STXBP5L: variants seen among roughly 807,000 people sequenced by gnomAD.
STXBP5L encodes syntaxin-binding protein 5-like.
Under a neutral mutation model 144.5 loss-of-function variants are expected in STXBP5L, and 65 were observed. The ratio of observed to expected loss-of-function variants is 0.45; its 90% CI spans 0.37 to 0.55. The LOEUF (loss-of-function observed/expected upper bound fraction) is 0.55, where lower values mean the gene tolerates loss of function less well. Ranked by LOEUF, STXBP5L falls within the 20% of genes least tolerant of loss-of-function variation. The pLI, the probability that STXBP5L is intolerant of heterozygous loss-of-function variation, is 0.00. For missense variants in STXBP5L, 1,298 were observed against 1,405.5 expected, an observed-to-expected ratio of 0.92 and a Z score of 1.22; for synonymous variants, 505 against 469.6, an observed-to-expected ratio of 1.08 and a Z score of -0.97.
chr3:121,227,836 C>A (rs1490418573), intron 11 of STXBP5L, among the ~76,000 whole-genome samples: 1 of 152,048 alleles, frequency 6.6e-6, no homozygotes, highest in Non-Finnish European at 1.5e-5. Flanking sequence ...TTTAATAAAG[C>A]CACAAATATA....
At position 121,325,596 on chromosome 3, in the gene STXBP5L, C is replaced by T. The variant is rs935215877; in HGVS notation, c.2176+7056C>T. On this transcript the variant is annotated intron_variant, in intron 20 of 26. Transcript: ENST00000471454. Reference sequence around the variant, plus strand: ...AATTTAATAGAACTTAAGAAATATACATTCCATGAAACATCAGAAAAAATA... The same window carrying T: ...AATTTAATAGAACTTAAGAAATATATATTCCATGAAACATCAGAAAAAATA... Among the ~76,000 whole-genome samples the T allele has an allele frequency of 3.9e-5, 6 of 151,946 alleles. No homozygotes were observed. In the East Asian group the frequency reaches 1.2e-3, roughly 29 times the overall value.
intron 9 of STXBP5L, among the ~76,000 whole-genome samples, chr3:121,204,284 C>G (rs1577202445): frequency 1.3e-5 from 2 of 152,100 alleles, no homozygotes; most frequent in East Asian, 3.9e-4. Flanking sequence ...CAAAAGTTTT[C>G]TCTTTCTAAG....
chr3:120,971,411 G>A (rs1940234972), intron 3 of STXBP5L, among the ~76,000 whole-genome samples: 1 of 151,496 alleles, frequency 6.6e-6, no homozygotes, highest in South Asian at 2.1e-4. Context: ...ACCTTTTGGA[G>A]CCTCCAATGT....
At chr3:121,300,502 G>A (rs1188361959) in intron 19 of STXBP5L, among the ~76,000 whole-genome samples, 1 of 152,078 alleles carries the variant, frequency 6.6e-6, no homozygotes, top group African/African-American at 2.4e-5. Flanking sequence ...TTGAAGAGAA[G>A]TATACAGAAT....
intron 3 of STXBP5L, among the ~76,000 whole-genome samples, chr3:121,031,810 C>A (rs182450960): frequency 6.6e-6 from 1 of 151,940 alleles, no homozygotes; most frequent in African/African-American, 2.4e-5. Context: ...TAAGAATGGG[C>A]AAAAATAGAT....
intron 9 of STXBP5L, among the ~76,000 whole-genome samples, chr3:121,181,998 A>G (rs1200733477): frequency 6.6e-6 from 1 of 152,130 alleles, no homozygotes; most frequent in African/African-American, 2.4e-5. Flanking sequence ...ATATGTACCT[A>G]ACACTGGTGC....
chr3:121,282,293 A>C (rs2051087036), intron 19 of STXBP5L: 3 of 1,612,110 alleles, frequency 1.9e-6, no homozygotes, highest in Non-Finnish European at 2.5e-6. Context: ...GGCCTGTCTA[A>C]CTTTTATCCT....
chr3:121,315,112 T>G (rs947798840), intron 19 of STXBP5L, among the ~76,000 whole-genome samples: 1 of 152,188 alleles, frequency 6.6e-6, no homozygotes, highest in Non-Finnish European at 1.5e-5. Flanking sequence ...AAATACCTTT[T>G]GACCCAGCCA....
chr3:121,051,620 C>A (rs1312834513), intron 5 of STXBP5L, among the ~76,000 whole-genome samples: 1 of 152,024 alleles, frequency 6.6e-6, no homozygotes, highest in Non-Finnish European at 1.5e-5. Flanking sequence ...ACTAAATGCC[C>A]ACAAGAGAAA....
intron 25 of STXBP5L, among the ~76,000 whole-genome samples, chr3:121,416,618 C>T (rs1221788796): frequency 6.6e-6 from 1 of 151,554 alleles, no homozygotes; most frequent in Non-Finnish European, 1.5e-5. Flanking sequence ...AGCGATTCTC[C>T]TGCCTCAGCC....
intron 5 of STXBP5L, among the ~76,000 whole-genome samples, chr3:121,049,373 G>C (rs114209660): frequency 6.6e-6 from 1 of 152,182 alleles, no homozygotes; most frequent in East Asian, 1.9e-4. Flanking sequence ...GAGGTTCTAG[G>C]TCAGGAGGCC....
At chr3:121,330,305 T>A (rs948451960) in intron 20 of STXBP5L, among the ~76,000 whole-genome samples, 2 of 152,210 alleles carry the variant, frequency 1.3e-5, no homozygotes, top group East Asian at 3.8e-4. Context: ...TACTCCCCAC[T>A]GCCCTAGCAG....
intron 5 of STXBP5L, among the ~76,000 whole-genome samples, chr3:121,095,372 G>A (rs954857260): frequency 6.6e-6 from 1 of 152,140 alleles, no homozygotes; most frequent in African/African-American, 2.4e-5. Flanking sequence ...ATAATAACCT[G>A]CAGAGTGTTT....
intron 9 of STXBP5L, among the ~76,000 whole-genome samples, chr3:121,161,271 C>T (rs1238565857): frequency 6.7e-6 from 1 of 148,528 alleles, no homozygotes; most frequent in Non-Finnish European, 1.5e-5. Context: ...TTTTTGGAGG[C>T]CATTTTTCCT....
At chr3:121,043,834 T>C (rs1191111431) in intron 4 of STXBP5L, among the ~76,000 whole-genome samples, 1 of 152,244 alleles carries the variant, frequency 6.6e-6, no homozygotes, top group Non-Finnish European at 1.5e-5. Flanking sequence ...TTATCTTCTG[T>C]ATAGCATGTA....
At chr3:121,245,441 A>C (rs1224205228) in intron 14 of STXBP5L, among the ~76,000 whole-genome samples, 1 of 151,964 alleles carries the variant, frequency 6.6e-6, no homozygotes, top group Non-Finnish European at 1.5e-5. Flanking sequence ...AAATGGCATT[A>C]GTAAATTATT....
chr3:120,970,847 C>T (rs915085066), intron 3 of STXBP5L, among the ~76,000 whole-genome samples: 28 of 152,048 alleles, frequency 1.8e-4, no homozygotes, highest in Admixed American at 6.6e-5. Flanking sequence ...GGAACTAAAA[C>T]AATTCACTGG....
intron 3 of STXBP5L, among the ~76,000 whole-genome samples, chr3:120,999,010 A>T (rs937611046): frequency 6.6e-6 from 1 of 152,108 alleles, no homozygotes; most frequent in Non-Finnish European, 1.5e-5. Flanking sequence ...TAATTTTCAT[A>T]TAATTGTATG....
At chr3:121,103,385 C>A (rs1281585569) in intron 5 of STXBP5L, among the ~76,000 whole-genome samples, 4 of 152,096 alleles carry the variant, frequency 2.6e-5, no homozygotes, top group African/African-American at 7.2e-5. Context: ...ATGTTCTTTG[C>A]AGCTATTTGG....
Sources: gnomAD v4.1 joint callset for allele counts (sites outside exome capture counted in the v4.1 genomes callset) on GRCh38, gnomAD v4.1.1 for gene constraint, MANE v1.5 for transcripts, NCBI Gene and HGNC (gene_info 2026-07-23, HGNC 2026-07-21) for gene names.